The following NR2C1 variants were observed in gnomAD, a reference collection of about 807,000 sequenced individuals.
The protein encoded by NR2C1 is TR2 nuclear hormone receptor.
A neutral mutation model predicts 74.8 loss-of-function variants in NR2C1; 33 were observed. The ratio of observed to expected loss-of-function variants is 0.44; its 90% CI spans 0.33 to 0.59. The LOEUF is 0.59. NR2C1 is among the 20% of genes least tolerant of loss of function. The pLI, the probability that NR2C1 is intolerant of heterozygous loss-of-function variation, is 0.02. For synonymous variants in NR2C1, 225 were observed against 240.6 expected (o/e 0.94, Z 0.60); for missense variants, 568 against 715.6 (o/e 0.79, Z 2.35).
At position 95,022,210 on chromosome 12, in the gene NR2C1, A is replaced by G. The variant is rs1868843454; in HGVS notation, c.*19T>C. ...TCTGGCAAAGAACAGTTAAGTTTAC[A>G]GCACTGCAGTCACAGTTTTCAAATG... is the stretch of plus-strand genomic sequence containing the variant. On this transcript the variant is annotated 3_prime_UTR_variant, in exon 14 of 14. Coordinates refer to ENST00000333003, the MANE Select transcript of NR2C1 (RefSeq NM_003297.4). 6.3e-7 allele frequency: 1 copy of G among 1,586,170 alleles called. No homozygotes were observed. Among genetic ancestry groups the G allele is most frequent in the Admixed American group, 1.9e-5 (1 of 52,858 alleles).
At chr12:95,038,875 A>G (rs927354182) in intron 10 of NR2C1, among the ~76,000 whole-genome samples, 7 of 152,200 alleles carry the variant, frequency 4.6e-5, no homozygotes, top group African/African-American at 1.7e-4. Flanking sequence ...AAGTAGAAAA[A>G]AGACTCTAAC....
At chr12:95,030,173 G>A (rs1255270650) in intron 11 of NR2C1, among the ~76,000 whole-genome samples, 1 of 152,156 alleles carries the variant, frequency 6.6e-6, no homozygotes, top group East Asian at 1.9e-4. Context: ...CCACCTGGCT[G>A]AAATGTTTGC....
intron 11 of NR2C1, 93 bp from the exon 12 acceptor site, chr12:95,028,617 A>T (rs12816964): frequency 0.019 from 18,147 of 971,174 alleles, 231 homozygotes; most frequent in Non-Finnish European, 0.024. Flanking sequence ...ATTTTGAAAA[A>T]TTTTTTAATT....
At chr12:95,069,222 G>A (rs547078418) in intron 1 of NR2C1, among the ~76,000 whole-genome samples, 3 of 152,252 alleles carry the variant, frequency 2.0e-5, no homozygotes, top group South Asian at 4.1e-4. Context: ...TGGTGCATTA[G>A]ACTCAAAGAA....
chr12:95,028,294 C>A, intron 12 of NR2C1, 93 bp downstream of exon 12: 1 of 1,033,990 alleles, frequency 9.7e-7, no homozygotes. Flanking sequence ...GGTAACTGCA[C>A]CATTTTACAT....
chr12:95,050,417 T>C (rs2136153265), intron 8 of NR2C1, among the ~76,000 whole-genome samples: 1 of 152,268 alleles, frequency 6.6e-6, no homozygotes, highest in South Asian at 2.1e-4. Flanking sequence ...CAAGCGGTTC[T>C]CCTGCCTCAG....
At chr12:95,071,574 G>A (rs1233424836) in intron 1 of NR2C1, among the ~76,000 whole-genome samples, 1 of 152,086 alleles carries the variant, frequency 6.6e-6, no homozygotes, top group Non-Finnish European at 1.5e-5. Context: ...TGCGGTGCCT[G>A]TAATTCCAGC....
intron 10 of NR2C1, among the ~76,000 whole-genome samples, chr12:95,036,217 G>C (rs1870800536): frequency 6.8e-6 from 1 of 147,320 alleles, no homozygotes; most frequent in Non-Finnish European, 1.5e-5. Context: ...GCTGAGTAGA[G>C]ACTGTAGTTA....
chr12:95,056,305 G>A (rs1873857565), intron 7 of NR2C1, among the ~76,000 whole-genome samples: 2 of 152,124 alleles, frequency 1.3e-5, no homozygotes, highest in Non-Finnish European at 1.5e-5. Flanking sequence ...CCTGATCATA[G>A]GCTTCCTAAA....
At chr12:95,046,874 G>GT (rs982211841) in intron 9 of NR2C1, among the ~76,000 whole-genome samples, 6 of 152,166 alleles carry the variant, frequency 3.9e-5, no homozygotes, top group Admixed American at 2.6e-4. Flanking sequence ...TCACAAGGCT[G>GT]TAAGACTCCG....
chr12:95,058,114 G>C, intron 5 of NR2C1, 196 bp downstream of exon 5: 1 of 649,868 alleles, frequency 1.5e-6, no homozygotes, highest in Non-Finnish European at 2.5e-6. Context: ...ACAAATACGT[G>C]CTTTTTACAC....
chr12:95,052,353 AC>A (rs138964311), intron 7 of NR2C1, among the ~76,000 whole-genome samples: 3,162 of 152,228 alleles, frequency 0.021, 103 homozygotes, highest in African/African-American at 0.072. Flanking sequence ...ACAGGGTTTC[AC>A]CATGTTGGCT....
intron 9 of NR2C1, among the ~76,000 whole-genome samples, chr12:95,047,775 A>G (rs1273470829): frequency 6.6e-6 from 1 of 152,212 alleles, no homozygotes; most frequent in Non-Finnish European, 1.5e-5. Flanking sequence ...AAACAACAGG[A>G]TCGTAATGTA....
intron 12 of NR2C1, 52 bp downstream of exon 12, chr12:95,028,335 T>A: frequency 6.7e-7 from 1 of 1,495,730 alleles, no homozygotes. Context: ...GGCTTCTATT[T>A]CTCCACATCG....
chr12:95,057,098 A>ATTTT (rs1184465413), intron 7 of NR2C1, among the ~76,000 whole-genome samples: 8 of 111,538 alleles, frequency 7.2e-5, no homozygotes, highest in South Asian at 3.1e-4. Flanking sequence ...AACATTTCTG[A>ATTTT]TTTTTTTTTT....
chr12:95,022,871 T>G (rs761782480), intron 13 of NR2C1, among the ~76,000 whole-genome samples: 50 of 91,894 alleles, frequency 5.4e-4, no homozygotes, highest in Non-Finnish European at 1.4e-4. Context: ...ATTGTGTTTG[T>G]TTTTTTTTTT....
intron 1 of NR2C1, chr12:95,072,987 T>C (rs1396059894): frequency 5.3e-5 from 8 of 152,248 alleles, no homozygotes; most frequent in Admixed American, 5.2e-4. Flanking sequence ...CCGTGCGCCC[T>C]GGAAGCCCCG....
chr12:95,051,681 T>C, intron 8 of NR2C1, 81 bp downstream of exon 8: 2 of 1,222,354 alleles, frequency 1.6e-6, no homozygotes, highest in South Asian at 1.5e-5. Context: ...CTTTTATAAA[T>C]AGCATTTAAC....
At chr12:95,059,445 A>C (rs1348737316) in intron 4 of NR2C1, among the ~76,000 whole-genome samples, 1 of 150,896 alleles carries the variant, frequency 6.6e-6, no homozygotes, top group East Asian at 2.0e-4. Flanking sequence ...GGGGGCTTAC[A>C]CCTGTAATCC....
Sources: allele counts gnomAD v4.1 joint callset (sites outside exome capture counted in the v4.1 genomes callset), GRCh38; gene constraint gnomAD v4.1.1; transcripts MANE v1.5; gene names NCBI Gene and HGNC (gene_info 2026-07-23, HGNC 2026-07-21).